The following ACAP3 variants were observed in gnomAD, a reference collection of about 807,000 sequenced individuals.
The protein encoded by ACAP3 is ArfGAP with coiled-coil, ankyrin repeat and PH domains 3.
Under a neutral mutation model 104.1 loss-of-function variants are expected in ACAP3, and 56 were observed. The ratio of observed to expected loss-of-function variants is 0.54; its 90% CI spans 0.43 to 0.67. The LOEUF is 0.67. Ranked by LOEUF, ACAP3 falls within the 30% of genes least tolerant of loss-of-function variation. The pLI is 0.00. For synonymous variants in ACAP3, 628 were observed against 496.2 expected (o/e 1.27, Z -3.53); for missense variants, 1,208 against 1,174.9 (o/e 1.03, Z -0.41).
chr1:1,301,172 G>C (rs1472478916), intron 5 of ACAP3, among the ~76,000 whole-genome samples: 2 of 151,450 alleles, frequency 1.3e-5, no homozygotes, highest in Non-Finnish European at 2.9e-5. Context: ...CCAGGCTCAA[G>C]CAATTCTCCC....
intron 19 of ACAP3, 23 bp downstream of exon 19, chr1:1,295,424 G>T (rs2100405128): frequency 6.2e-7 from 1 of 1,607,970 alleles, no homozygotes; most frequent in African/African-American, 1.3e-5. Context: ...CCTGCCACCT[G>T]GCTGGGCCCA....
chr1:1,304,185 AG>A, intron 1 of ACAP3, 42 bp from the exon 2 acceptor site: 2 of 1,549,654 alleles, frequency 1.3e-6, no homozygotes, highest in East Asian at 2.4e-5. Context: ...CTGCAGCCTC[AG>A]CCCCCTCGGG....
rs1361393782 is a variant in ACAP3 at position 1,292,805 on chromosome 1, G to C, written c.*759C>G. On this transcript the variant is annotated 3_prime_UTR_variant, in exon 24 of 24. Transcript: ENST00000354700. ...AAGAGTCCACAGAGAAAAGACGCAA[G>C]ACAAAGTCAGACGAGGCCTATAGCA... is the stretch of plus-strand genomic sequence containing the variant. The C allele has an allele frequency of 6.6e-6, 1 of 152,348 alleles. No individual in the cohort carries two copies. Among genetic ancestry groups the C allele is most frequent in the Non-Finnish European group, 1.5e-5 (1 of 68,106 alleles). 9.4% of individuals were successfully genotyped at this position (152,348 alleles called of 1,614,324 possible). A position where few individuals can be genotyped will look rare whatever the true frequency, so the allele number is the denominator to read the frequency against.
Position 1,303,201 on chromosome 1 carries a change from G to T in ACAP3, c.186C>A (p.Arg62=), listed in dbSNP as rs752582607. 28 of 1,606,760 alleles carry T rather than the reference G, an allele frequency of 1.7e-5. No homozygotes were observed. The highest frequency in any genetic ancestry group is 2.3e-5 in the Non-Finnish European group (27 of 1,177,582). ...STSRLFVSGV[R]DLSQQCQGDT... Reference sequence around the variant, plus strand: ...CGCCCTGGCACTGCTGGGACAGGTCGCGGACGCCGCTCACGAAAAGCCTGC... The same window carrying T: ...CGCCCTGGCACTGCTGGGACAGGTCTCGGACGCCGCTCACGAAAAGCCTGC... The change falls in exon 3 of 24, where the codon CGC becomes CGA. Residue 62 remains arginine, a synonymous_variant. Coordinates refer to ENST00000354700, the MANE Select transcript of ACAP3 (RefSeq NM_030649.3). This position sits in a 1 kb window ranked among gnomAD's most constrained non-coding sequence, Gnocchi z 4.0.
chr1:1,298,475 G>A, intron 11 of ACAP3, 54 bp from the exon 12 acceptor site: 1 of 1,589,836 alleles, frequency 6.3e-7, no homozygotes, highest in Non-Finnish European at 8.6e-7. Context: ...CAGGGCTGCT[G>A]TGACCCCTGC....
At chr1:1,294,968 G>T in intron 19 of ACAP3, 152 bp from the exon 20 acceptor site, 1 of 695,278 alleles carries the variant, frequency 1.4e-6, no homozygotes, top group South Asian at 1.9e-5. Context: ...CCAGCTGCAG[G>T]CTAGGAGCAA....
chr1:1,294,048 C>G (rs750494399), intron 22 of ACAP3, 42 bp downstream of exon 22: 1 of 1,514,020 alleles, frequency 6.6e-7, no homozygotes, highest in Non-Finnish European at 8.9e-7. Context: ...CCGGGGTAGG[C>G]GTGGTCGGGG....
At chr1:1,307,264 G>C in intron 1 of ACAP3, 1 of 1,287,792 alleles carries the variant, frequency 7.8e-7, no homozygotes, top group Non-Finnish European at 1.0e-6. Flanking sequence ...GACCTTCCCC[G>C]CCGCTCTTCT....
chr1:1,306,341 G>A (rs1557613066), intron 1 of ACAP3, among the ~76,000 whole-genome samples: 1 of 152,096 alleles, frequency 6.6e-6, no homozygotes, highest in Admixed American at 6.5e-5. Context: ...AGGGGCCAGG[G>A]AGAAGGTGGG....
intron 1 of ACAP3, chr1:1,306,958 A>G: frequency 2.5e-6 from 1 of 401,082 alleles, no homozygotes; most frequent in Non-Finnish European, 5.0e-6. Context: ...CAGCTCATCC[A>G]CACGTCCTGT....
rs1641279977 is a variant in ACAP3, at chr1:1,298,173, T to C, written c.916-60A>G. The C allele has an allele frequency of 5.1e-6, 8 of 1,565,350 alleles. No individual in the cohort carries two copies. The South Asian group carries it at 8.1e-5, about 16-fold the overall frequency. On this transcript the variant is annotated intron_variant, in intron 12 of 23. Coordinates refer to ENST00000354700, the MANE Select transcript of ACAP3 (RefSeq NM_030649.3). ...CCACCACCCGGCCCCGACCACCCAC[T>C]TCCTGCTTCACCTTGGAGACCCGGA... is the stretch of plus-strand genomic sequence containing the variant.
intron 5 of ACAP3, 69 bp from the exon 6 acceptor site, chr1:1,300,761 A>G (rs1036631069): frequency 1.6e-5 from 24 of 1,511,294 alleles, no homozygotes; most frequent in Admixed American, 4.5e-5. Flanking sequence ...AGTCTCCCAC[A>G]TCGTTGTTTG....
Position 1,293,726 on chromosome 1 carries a change from G to C in ACAP3, c.2361-18C>G, listed in dbSNP as rs751228198. On this transcript the variant is annotated intron_variant, in intron 23 of 23. Transcript: ENST00000354700. ...GACGGAGCCTACGGGGAGGCACAGC[G>C]TGAGACGCCCCTGCCCTGGAGGCCC... The C allele has an allele frequency of 3.4e-6, 3 of 892,640 alleles. No individual in the cohort carries two copies. Among genetic ancestry groups the C allele is most frequent in the East Asian group, 1.1e-4 (1 of 9,034 alleles). The allele number at this position is 892,640 out of a possible 1,614,324, so 55.3% of individuals were successfully genotyped here.
chr1:1,293,960 T>A, intron 22 of ACAP3, 27 bp from the exon 23 acceptor site: 1 of 1,050,734 alleles, frequency 9.5e-7, no homozygotes, highest in African/African-American at 1.7e-5. Flanking sequence ...GAGGGGCGTG[T>A]CGGGGCGGGG....
chr1:1,296,420 C>T lies in ACAP3; in HGVS notation c.1337+5G>A, dbSNP rs1641156509. On this transcript the variant is annotated splice_donor_5th_base_variant and intron_variant, in intron 15 of 23. Transcript: ENST00000354700. The stretch of plus-strand genomic sequence containing the variant: ...CCACCCCCAGCCTGGCCCTCAGGGG[C>T]CCACCTGTGGATGCCGGAGCACTCA... 3 of 1,545,556 alleles carry T rather than the reference C, an allele frequency of 1.9e-6. No homozygotes were observed. The highest frequency in any genetic ancestry group is 2.7e-5 in the African/African-American group (2 of 73,012).
rs760857600 is a variant in ACAP3 at position 1,293,815 on chromosome 1, G to A, written c.2360+8C>T. On this transcript the variant is annotated splice_region_variant and intron_variant, in intron 23 of 23. Coordinates refer to ENST00000354700, the MANE Select transcript of ACAP3 (RefSeq NM_030649.3). ...CCCGCCCAGCCCCGAGGGCCCGGCC[G>A]CGCTCACAGTGTCACGATGTCAGCG... The A allele has an allele frequency of 1.7e-6, 2 of 1,199,976 alleles. No homozygotes were observed. Among genetic ancestry groups the A allele is most frequent in the Middle Eastern group, 2.2e-4 (1 of 4,482 alleles). 74.3% of individuals were successfully genotyped at this position (1,199,976 alleles called of 1,614,324 possible).
At position 1,295,954 on chromosome 1, in the gene ACAP3, A is replaced by T; in HGVS notation, c.1503-16T>A. On this transcript the variant is annotated splice_polypyrimidine_tract_variant and intron_variant, in intron 17 of 23. Coordinates refer to ENST00000354700, the MANE Select transcript of ACAP3 (RefSeq NM_030649.3). ...CTTGTCCTGCCTGGACCAGGGGGGA[A>T]CATGAGGCTGTGCCCCCAGGCTGGG... The T allele has an allele frequency of 6.2e-7, 1 of 1,612,606 alleles. No individual in the cohort carries two copies. The highest frequency in any genetic ancestry group is 8.5e-7 in the Non-Finnish European group (1 of 1,179,938).
intron 1 of ACAP3, chr1:1,304,475 TAGG>T (rs919144825): frequency 2.2e-5 from 10 of 462,902 alleles, no homozygotes; most frequent in African/African-American, 1.8e-4. Flanking sequence ...GCCTCTCCTC[TAGG>T]AGTTCAGAGT....
chr1:1,298,416 C>T lies in ACAP3; in HGVS notation c.869G>A (p.Trp290Ter), dbSNP rs1201159358. Reference protein sequence around the residue: ...SNAFKTWNRRWFSIQNSQLVY... With the variant: ...SNAFKTWNRR ...CAGCTGGCTGTTCTGAATGGAGAACCAGCGCCTAGGTGGGTGGGGGGATGT... is the reference window on the plus strand; with the variant it reads ...CAGCTGGCTGTTCTGAATGGAGAACTAGCGCCTAGGTGGGTGGGGGGATGT... The change falls in exon 12 of 24, where the codon TGG becomes TAG. Residue 290 changes from tryptophan (W) to a stop codon, truncating the protein, a stop_gained. Coordinates refer to ENST00000354700, the MANE Select transcript of ACAP3 (RefSeq NM_030649.3). LOFTEE classifies it high-confidence loss of function. 1 of 1,601,412 alleles carries T rather than the reference C, an allele frequency of 6.2e-7. No individual in the cohort carries two copies. Among genetic ancestry groups the T allele is most frequent in the Non-Finnish European group, 8.5e-7 (1 of 1,173,488 alleles).
Sources: allele counts gnomAD v4.1 joint callset (sites outside exome capture counted in the v4.1 genomes callset), GRCh38; gene constraint gnomAD v4.1.1; non-coding constraint Gnocchi (gnomAD v3.1); transcripts MANE v1.5; gene names NCBI Gene and HGNC (gene_info 2026-07-23, HGNC 2026-07-21).